Variants in IQCM observed in about 807,000 individuals in gnomAD.
The protein encoded by IQCM is IQ motif containing M.
IQCM carries 45 observed loss-of-function variants against 57.6 expected under a neutral mutation model. The ratio of observed to expected loss-of-function variants is 0.78; its 90% CI spans 0.62 to 1.00. The LOEUF is 1.00. Among genes scored for constraint, IQCM ranks in the 50% least tolerant of loss-of-function variants. The pLI, the probability that IQCM is intolerant of heterozygous loss-of-function variation, is 0.00. For missense variants in IQCM, 468 were observed against 511.6 expected (o/e 0.91, Z 0.82); for synonymous variants, 148 against 158.9 (o/e 0.93, Z 0.51).
At chr4:149,730,575 A>G (rs914394179) in intron 5 of IQCM, among the ~76,000 whole-genome samples, 1 of 152,202 alleles carries the variant, frequency 6.6e-6, no homozygotes. Flanking sequence ...TCACTTTCTC[A>G]GAGATCCACT....
chr4:149,553,411 A>T (rs1267728528), intron 10 of IQCM, 124 bp from the exon 11 acceptor site: 9 of 743,286 alleles, frequency 1.2e-5, no homozygotes, highest in Non-Finnish European at 9.2e-6. Flanking sequence ...TTTATTGCCT[A>T]GGTTGGCTAA....
rs933449943 is a variant in IQCM, at chr4:149,351,918, T to G, written c.*33A>C. The G allele has an allele frequency of 2.0e-5, 8 of 398,548 alleles. No homozygotes were observed. The highest frequency in any genetic ancestry group is 3.5e-5 in the Non-Finnish European group (8 of 225,892). 24.7% of individuals were successfully genotyped at this position (398,548 alleles called of 1,614,324 possible). On this transcript the variant is annotated 3_prime_UTR_variant, in exon 14 of 14. Coordinates refer to ENST00000636793, the MANE Select transcript of IQCM (RefSeq NM_001363507.2). ...AACTTGTCTCTTTGGGTAGAGAAGTTTAACTATTACAGGTAATAATATGTT... is the reference window on the plus strand; with the variant it reads ...AACTTGTCTCTTTGGGTAGAGAAGTGTAACTATTACAGGTAATAATATGTT...
intron 13 of IQCM, among the ~76,000 whole-genome samples, chr4:149,387,122 C>T (rs1010885490): frequency 2.0e-5 from 3 of 151,978 alleles, no homozygotes; most frequent in Non-Finnish European, 2.9e-5. Context: ...CAGTTCAACA[C>T]GGGGAAGTCC....
chr4:149,456,825 C>T (rs915907048), intron 12 of IQCM, among the ~76,000 whole-genome samples: 3 of 151,888 alleles, frequency 2.0e-5, no homozygotes, highest in Admixed American at 6.6e-5. Flanking sequence ...TGCCAAAGTA[C>T]GTTAATTTGG....
intron 5 of IQCM, among the ~76,000 whole-genome samples, chr4:149,727,522 A>C (rs980513743): frequency 6.6e-6 from 1 of 152,222 alleles, no homozygotes; most frequent in African/African-American, 2.4e-5. Flanking sequence ...ACAAGCAAGA[A>C]GGGAAAACTA....
At chr4:149,510,191 C>T (rs1416207812) in intron 12 of IQCM, among the ~76,000 whole-genome samples, 2 of 151,968 alleles carry the variant, frequency 1.3e-5, no homozygotes, top group Non-Finnish European at 2.9e-5. Flanking sequence ...GGTTAAAAAG[C>T]GATTATCTCA....
intron 12 of IQCM, among the ~76,000 whole-genome samples, chr4:149,513,550 T>A (rs1451653839): frequency 1.3e-5 from 2 of 152,204 alleles, no homozygotes; most frequent in East Asian, 3.8e-4. Flanking sequence ...AATTATGGAT[T>A]TTAATTATTT....
chr4:149,537,378 A>G (rs1747401501), intron 12 of IQCM, among the ~76,000 whole-genome samples: 1 of 151,570 alleles, frequency 6.6e-6, no homozygotes, highest in South Asian at 2.1e-4. Context: ...AGAAGAAAGA[A>G]ATAGTGAATT....
chr4:149,757,577 T>C (rs1769098267), intron 2 of IQCM, among the ~76,000 whole-genome samples: 2 of 152,060 alleles, frequency 1.3e-5, no homozygotes, highest in South Asian at 2.1e-4. Context: ...AAATTATTAA[T>C]AGGGATAAAT....
chr4:149,730,575 A>C (rs914394179), intron 5 of IQCM, among the ~76,000 whole-genome samples: 1 of 152,202 alleles, frequency 6.6e-6, no homozygotes, highest in African/African-American at 2.4e-5. Context: ...TCACTTTCTC[A>C]GAGATCCACT....
chr4:149,398,030 CTAGAAGTTTACAGTTTTAGGTCT>C (rs1290089287), intron 13 of IQCM, among the ~76,000 whole-genome samples: 3 of 151,910 alleles, frequency 2.0e-5, no homozygotes, highest in Non-Finnish European at 4.4e-5. Flanking sequence ...ATGTTTTCTT[CTAGAAGTTTACAGTTTTAGGTCT>C]TACATTGATT....
At chr4:149,367,239 T>C (rs772000640) in intron 13 of IQCM, among the ~76,000 whole-genome samples, 1 of 152,040 alleles carries the variant, frequency 6.6e-6, no homozygotes, top group Non-Finnish European at 1.5e-5. Context: ...AGGAGTTCCA[T>C]GCTACATTAT....
Position 149,392,536 on chromosome 4 carries a change from T to G in IQCM, c.1391-40470A>C, listed in dbSNP as rs539349720. ...GACATGACCTGAATACTAGGAAGAT[T>G]TTTTTTTCATTGAGTACATATACAT... On this transcript the variant is annotated intron_variant, in intron 13 of 13. Coordinates refer to ENST00000636793, the MANE Select transcript of IQCM (RefSeq NM_001363507.2). 2.0e-5 allele frequency among the ~76,000 whole-genome samples: 3 copies of G among 152,064 alleles called. No individual in the cohort carries two copies. The South Asian group carries it at 6.2e-4, about 32-fold the overall frequency.
At chr4:149,417,672 T>A (rs566395380) in intron 13 of IQCM, among the ~76,000 whole-genome samples, 1 of 152,112 alleles carries the variant, frequency 6.6e-6, no homozygotes, top group Non-Finnish European at 1.5e-5. Context: ...ACATTCAAAG[T>A]TGTACAATTG....
At chr4:149,421,957 C>T (rs537685773) in intron 13 of IQCM, among the ~76,000 whole-genome samples, 3 of 151,890 alleles carry the variant, frequency 2.0e-5, no homozygotes, top group African/African-American at 4.8e-5. Flanking sequence ...AATGACATAC[C>T]TTTAATAGAA....
chr4:149,574,066 C>A (rs1279158547), intron 9 of IQCM, among the ~76,000 whole-genome samples: 1 of 151,816 alleles, frequency 6.6e-6, no homozygotes, highest in Non-Finnish European at 1.5e-5. Flanking sequence ...CAGACTATTA[C>A]AGAAATGTTC....
chr4:149,611,250 A>G (rs561928920), intron 8 of IQCM, among the ~76,000 whole-genome samples: 1 of 152,022 alleles, frequency 6.6e-6, no homozygotes, highest in Admixed American at 6.6e-5. Context: ...GTAAATTACT[A>G]TAGCCACTAT....
At chr4:149,415,890 T>C (rs148361494) in intron 13 of IQCM, among the ~76,000 whole-genome samples, 8 of 151,966 alleles carry the variant, frequency 5.3e-5, no homozygotes, top group African/African-American at 1.4e-4. Context: ...CATCACACAC[T>C]GGGGCCTGTC....
chr4:149,763,677 G>A (rs1769753489), intron 2 of IQCM, among the ~76,000 whole-genome samples: 1 of 152,118 alleles, frequency 6.6e-6, no homozygotes, highest in Admixed American at 6.6e-5. Flanking sequence ...GGTTTGGGGA[G>A]AGCCAGTGAT....
Sources: gnomAD v4.1 joint callset for allele counts (sites outside exome capture counted in the v4.1 genomes callset) on GRCh38, gnomAD v4.1.1 for gene constraint, MANE v1.5 for transcripts, NCBI Gene and HGNC (gene_info 2026-07-23, HGNC 2026-07-21) for gene names.